The following PRKCA variants were observed in gnomAD, a reference collection of about 807,000 sequenced individuals.
PRKCA encodes protein kinase C alpha.
A neutral mutation model predicts 87.0 loss-of-function variants in PRKCA; 27 were observed. That is an observed-to-expected ratio of 0.31 (90% CI 0.23 to 0.43). The LOEUF is 0.43. PRKCA is among the 20% of genes least tolerant of loss of function. The pLI is 1.00. For missense variants in PRKCA, 518 were observed against 852.3 expected (o/e 0.61, Z 4.88); for synonymous variants, 329 against 311.1 (o/e 1.06, Z -0.61).
chr17:66,702,952 A>G (rs1973098901), intron 8 of PRKCA, among the ~76,000 whole-genome samples: 1 of 152,216 alleles, frequency 6.6e-6, no homozygotes, highest in Non-Finnish European at 1.5e-5. Flanking sequence ...AAAATACAAT[A>G]TAAAAGAAAA....
rs1480515664 is a variant in PRKCA, at chr17:66,803,777, C to A, written c.1855-96C>A. On this transcript the variant is annotated intron_variant, in intron 16 of 16. Coordinates refer to ENST00000413366, the MANE Select transcript of PRKCA (RefSeq NM_002737.3). The surrounding 1 kb of genome is among the most constrained non-coding windows in gnomAD (Gnocchi z 4.4). ...CTCCTCCTAACCAGCCCGGAGTTCCCCAGGGCCGTGCCCCTCCCCAGAGAG... is the reference window on the plus strand; with the variant it reads ...CTCCTCCTAACCAGCCCGGAGTTCCACAGGGCCGTGCCCCTCCCCAGAGAG... The A allele has an allele frequency of 4.6e-6, 7 of 1,527,202 alleles. No individual in the cohort carries two copies. In the South Asian group the frequency reaches 7.5e-5, roughly 16 times the overall value. The allele number at this position is 1,527,202 out of a possible 1,614,324, so 94.6% of individuals were successfully genotyped here.
Position 66,557,896 on chromosome 17 carries a change from G to A in PRKCA, c.288+61613G>A, listed in dbSNP as rs114773948. Among the ~76,000 whole-genome samples, 391 of 152,258 alleles carry A rather than the reference G, an allele frequency of 2.6e-3. 1 individual carries two copies. The highest frequency in any genetic ancestry group is 8.9e-3 in the African/African-American group (369 of 41,546). Reference sequence around the variant, plus strand: ...ATAGGTGCCTCTGGATAGAAGTTCCGATCCCAGTATCCTCTCCCAGGCCCC... The same window carrying A: ...ATAGGTGCCTCTGGATAGAAGTTCCAATCCCAGTATCCTCTCCCAGGCCCC... On this transcript the variant is annotated intron_variant, in intron 3 of 16. Coordinates refer to ENST00000413366, the MANE Select transcript of PRKCA (RefSeq NM_002737.3).
intron 6 of PRKCA, among the ~76,000 whole-genome samples, chr17:66,687,703 C>A (rs1453063748): frequency 6.6e-6 from 1 of 152,144 alleles, no homozygotes; most frequent in Admixed American, 6.5e-5. Flanking sequence ...GAAGATCATT[C>A]TTGCCTTCAA....
chr17:66,362,671 AG>A (rs993040979), intron 2 of PRKCA, among the ~76,000 whole-genome samples: 3 of 91,226 alleles, frequency 3.3e-5, no homozygotes, highest in African/African-American at 1.1e-4. Context: ...GGTGCCTTGC[AG>A]GTTTTTTTTT....
At chr17:66,738,953 C>T (rs1974098971) in intron 11 of PRKCA, 98 bp downstream of exon 11, 2 of 935,972 alleles carry the variant, frequency 2.1e-6, no homozygotes, top group Non-Finnish European at 3.3e-6. Context: ...GGGTCTCACT[C>T]TGTCACTCAG....
At chr17:66,335,304 AT>A (rs896810842) in intron 2 of PRKCA, among the ~76,000 whole-genome samples, 10 of 147,980 alleles carry the variant, frequency 6.8e-5, no homozygotes, top group Non-Finnish European at 1.1e-4. Flanking sequence ...AATTTTTTTG[AT>A]TTTTTTTTTA....
At chr17:66,510,258 GA>G (rs1917165405) in intron 3 of PRKCA, among the ~76,000 whole-genome samples, 2 of 152,150 alleles carry the variant, frequency 1.3e-5, no homozygotes, top group Non-Finnish European at 2.9e-5. Context: ...ACCATCTTTA[GA>G]AAGAGAATTT....
chr17:66,723,024 T>A (rs1415111707), intron 8 of PRKCA, among the ~76,000 whole-genome samples: 1 of 152,174 alleles, frequency 6.6e-6, no homozygotes, highest in Non-Finnish European at 1.5e-5. Context: ...GAAGTCAGGG[T>A]GGATAGCTAG....
At chr17:66,347,176 CA>C in intron 2 of PRKCA, among the ~76,000 whole-genome samples, 1 of 152,188 alleles carries the variant, frequency 6.6e-6, no homozygotes, top group East Asian at 1.9e-4. Flanking sequence ...TCCCTTTATA[CA>C]GTTACACAAA....
At position 66,340,362 on chromosome 17, in the gene PRKCA, GTTTCTTTTTTTTTT is replaced by G. The variant is rs892672666; in HGVS notation, c.205+34252_205+34265del. On this transcript the variant is annotated intron_variant, in intron 2 of 16. Coordinates refer to ENST00000413366, the MANE Select transcript of PRKCA (RefSeq NM_002737.3). ...GGTATTTGAACTGGCAGGGTGTTTG[GTTTCTTTTTTTTTT>G]TTTCTTTTTTTTTTTTGGCTTGTTT... is the stretch of plus-strand genomic sequence containing the variant. 3.4e-4 allele frequency among the ~76,000 whole-genome samples: 42 copies of G among 124,648 alleles called. 1 individual carries two copies. The South Asian group carries it at 4.9e-3, about 15-fold the overall frequency. The allele number at this position is 124,648 out of a possible 152,430, so 81.8% of individuals were successfully genotyped here. A position where few individuals can be genotyped will look rare whatever the true frequency, so the allele number is the denominator to read the frequency against.
intron 2 of PRKCA, among the ~76,000 whole-genome samples, chr17:66,328,400 A>G (rs1349928404): frequency 6.6e-6 from 1 of 152,112 alleles, no homozygotes; most frequent in Non-Finnish European, 1.5e-5. Flanking sequence ...TGAACTCTAA[A>G]GGAGGAAAGG....
chr17:66,441,161 CCAAAAAAAA>C (rs1330248235), intron 2 of PRKCA, among the ~76,000 whole-genome samples: 107 of 96,376 alleles, frequency 1.1e-3, no homozygotes, highest in African/African-American at 3.9e-3. Context: ...AACTCTGTCT[CCAAAAAAAA>C]AAAAAAAAAA....
At chr17:66,535,611 T>C (rs1967751863) in intron 3 of PRKCA, among the ~76,000 whole-genome samples, 1 of 152,172 alleles carries the variant, frequency 6.6e-6, no homozygotes, top group South Asian at 2.1e-4. Flanking sequence ...CTCGAGGGGT[T>C]CTGCAGACGA....
intron 3 of PRKCA, among the ~76,000 whole-genome samples, chr17:66,579,029 G>A (rs1969333286): frequency 6.6e-6 from 1 of 152,208 alleles, no homozygotes; most frequent in South Asian, 2.1e-4. Flanking sequence ...GCCTCTTGGG[G>A]CTCCCTGCAT....
rs577911194 is a variant in PRKCA, at chr17:66,440,486, C to T, written c.206-55715C>T. ...GATAGACTTTGCTGACAAGAAGAGG[C>T]CCCTGCCCCTTCAGAGCTTAGAGTG... On this transcript the variant is annotated intron_variant, in intron 2 of 16. Transcript: ENST00000413366. Among the ~76,000 whole-genome samples the T allele has an allele frequency of 2.6e-4, 40 of 152,324 alleles. 1 individual carries two copies. The highest frequency in any genetic ancestry group is 9.6e-4 in the African/African-American group (40 of 41,578).
chr17:66,775,839 T>C, intron 14 of PRKCA: 1 of 884,998 alleles, frequency 1.1e-6, no homozygotes, highest in Middle Eastern at 5.8e-4. Flanking sequence ...TCGTGAAGCT[T>C]ACAGCTTAGA....
In PRKCA at chr17:66,735,644, C is replaced by A. The variant is rs995374816; in HGVS notation, c.1212C>A (p.His404Gln). The A allele has an allele frequency of 1.2e-6, 2 of 1,614,056 alleles. No homozygotes were observed. The highest frequency in any genetic ancestry group is 1.7e-5 in the Admixed American group (1 of 60,020). Residue 404 changes from histidine to glutamine, a missense_variant, in exon 10 of 17, where the codon CAC becomes CAA. By Grantham distance (24) the His-to-Gln change is conservative. Coordinates refer to ENST00000413366, the MANE Select transcript of PRKCA (RefSeq NM_002737.3). ...AACCCCCGTTCTTGACGCAGCTGCACTCCTGCTTCCAGACAGTGGTAAGGA... is the reference window on the plus strand; with the variant it reads ...AACCCCCGTTCTTGACGCAGCTGCAATCCTGCTTCCAGACAGTGGTAAGGA... ...LDKPPFLTQL[H>Q]SCFQTVDRLY...
intron 3 of PRKCA, among the ~76,000 whole-genome samples, chr17:66,594,730 C>G: frequency 6.6e-6 from 1 of 152,138 alleles, no homozygotes; most frequent in East Asian, 1.9e-4. Context: ...GAACCCAGCT[C>G]CTCTCTACCA....
At chr17:66,480,648 C>T (rs1915737826) in intron 2 of PRKCA, among the ~76,000 whole-genome samples, 1 of 152,166 alleles carries the variant, frequency 6.6e-6, no homozygotes, top group Non-Finnish European at 1.5e-5. Flanking sequence ...TCTAACCAAA[C>T]TTGAATACCC....
Sources: allele counts gnomAD v4.1 joint callset (sites outside exome capture counted in the v4.1 genomes callset), GRCh38; gene constraint gnomAD v4.1.1; non-coding constraint Gnocchi (gnomAD v3.1); transcripts MANE v1.5; gene names NCBI Gene and HGNC (gene_info 2026-07-23, HGNC 2026-07-21).